Variants in SEMA3G observed in about 807,000 individuals in gnomAD.
SEMA3G encodes semaphorin 3G, also known as semaphorin-3G.
Under a neutral mutation model 86.2 loss-of-function variants are expected in SEMA3G, and 70 were observed. The ratio of observed to expected loss-of-function variants is 0.81; its 90% CI spans 0.67 to 0.99. The LOEUF (loss-of-function observed/expected upper bound fraction) is 0.99. Among genes scored for constraint, SEMA3G ranks in the 50% least tolerant of loss-of-function variants. The pLI is 0.00. For synonymous variants in SEMA3G, 416 were observed against 441.4 expected (o/e 0.94, Z 0.72); for missense variants, 1,002 against 1,072.4 (o/e 0.93, Z 0.92).
At position 52,435,760 on chromosome 3, in the gene SEMA3G, C is replaced by A; in HGVS notation, c.2192G>T (p.Cys731Phe). 1 of 1,614,118 alleles carries A rather than the reference C, an allele frequency of 6.2e-7. No individual in the cohort carries two copies. The highest frequency in any genetic ancestry group is 8.5e-7 in the Non-Finnish European group (1 of 1,180,038). ...RVDEYCERVWCRGTTECSGCF... is the reference protein window; with the variant it reads ...RVDEYCERVWFRGTTECSGCF... ...GCCTGAGCATTCCGTGGTGCCCCTGCACCACACGCGCTCACAGTACTCATC... is the reference window on the plus strand; with the variant it reads ...GCCTGAGCATTCCGTGGTGCCCCTGAACCACACGCGCTCACAGTACTCATC... Residue 731 changes from cysteine (C) to phenylalanine (F), a missense_variant, in exon 16 of 16, where the codon TGC (cysteine) becomes TTC (phenylalanine). Physicochemically the swap from Cys to Phe is radical, Grantham distance 205 (BLOSUM62 -2). Coordinates refer to ENST00000231721, the MANE Select transcript of SEMA3G (RefSeq NM_020163.3).
rs1333126939 is a variant in SEMA3G, at chr3:52,433,715, G to A, written c.*1888C>T. On this transcript the variant is annotated 3_prime_UTR_variant, in exon 16 of 16. Coordinates refer to ENST00000231721, the MANE Select transcript of SEMA3G (RefSeq NM_020163.3). ...AGCGTAAAGGCCCGGAGGGCTGTTT[G>A]TGTCTTTCTGGCCTCCCTAGGGTAG... 6.6e-6 allele frequency: 1 copy of A among 152,662 alleles called. No homozygotes were observed. Among genetic ancestry groups the A allele is most frequent in the Non-Finnish European group, 1.5e-5 (1 of 68,056 alleles). The allele number at this position is 152,662 out of a possible 1,614,324, so 9.5% of individuals were successfully genotyped here.
In SEMA3G at chr3:52,442,049, G is replaced by A; in HGVS notation, c.459+136C>T. 7.3e-7 allele frequency: 1 copy of A among 1,369,040 alleles called. No homozygotes were observed. The highest frequency in any genetic ancestry group is 9.9e-7 in the Non-Finnish European group (1 of 1,009,634). The allele number at this position is 1,369,040 out of a possible 1,614,324, so 84.8% of individuals were successfully genotyped here. On this transcript the variant is annotated intron_variant, in intron 4 of 15. Transcript: ENST00000231721. This position sits in a 1 kb window ranked among gnomAD's most constrained non-coding sequence, Gnocchi z 6.1. ...TCCTCATCCAGGGCCCCTCTAATGG[G>A]GTCAGCTCCCCAACACAAAGGCGCC...
At chr3:52,436,095 G>A (rs747862589) in intron 15 of SEMA3G, 22 bp from the exon 16 acceptor site, 17 of 1,587,282 alleles carry the variant, frequency 1.1e-5, no homozygotes, top group Admixed American at 5.1e-5. Flanking sequence ...GCGGGAGGGC[G>A]TGAGTAGGGT....
At position 52,440,972 on chromosome 3, in the gene SEMA3G, G is replaced by C. The variant is rs750841007; in HGVS notation, c.890C>G (p.Pro297Arg). The C allele has an allele frequency of 2.5e-6, 4 of 1,607,334 alleles. No homozygotes were observed. Among genetic ancestry groups the C allele is most frequent in the Non-Finnish European group, 3.4e-6 (4 of 1,179,350 alleles). The change falls in exon 8 of 16, where the codon CCC becomes CGC. Residue 297 changes from proline (P) to arginine (R), a missense_variant. Transcript: ENST00000231721. ...GTGGGTCTCGGCACCACCAGGGCCG[G>C]GCACCGAGCAGACCAGCCTGGCCTT... is the stretch of plus-strand genomic sequence containing the variant. ...FLKARLVCSV[P>R]GPGGAETHFD... is the part of the protein sequence containing the mutation.
chr3:52,444,685 ACTCGG>A, intron 1 of SEMA3G, among the ~76,000 whole-genome samples: 1 of 136,878 alleles, frequency 7.3e-6, no homozygotes, highest in East Asian at 2.2e-4. Flanking sequence ...GCACACGCAA[ACTCGG>A]CACACGCACA....
In SEMA3G at chr3:52,438,836, G is replaced by A. The variant is rs138947564; in HGVS notation, c.1509+84C>T. The A allele has an allele frequency of 5.6e-3, 8,908 of 1,581,204 alleles. 72 individuals are homozygous for A. The highest frequency in any genetic ancestry group is 0.023 in the South Asian group (2,000 of 86,234). On this transcript the variant is annotated intron_variant, in intron 13 of 15. Transcript: ENST00000231721. The stretch of plus-strand genomic sequence containing the variant: ...TCCCCAGACTACAGTGGAGCTCGAG[G>A]AGGCTGCGGAGCAGGGGCAGAGGAG...
At chr3:52,438,568 A>T (rs1051520491) in intron 13 of SEMA3G, 14 of 985,502 alleles carry the variant, frequency 1.4e-5, no homozygotes, top group Non-Finnish European at 1.6e-5. Flanking sequence ...ACACAAAGAT[A>T]CACTGGAGCA....
Position 52,438,051 on chromosome 3 carries a change from C to T in SEMA3G, c.1658G>A (p.Ser553Asn). ...CCGGCGGAACCGGCGCTTGCCAAGG[C>T]TGGGGCGGTAGTGGGTACAGGAGGC... ...DGASCTHYRP[S>N]LGKRRFRRQD... Residue 553 changes from serine to asparagine, a missense_variant, in exon 14 of 16, where the codon AGC becomes AAC. Ser to Asn is a conservative substitution (Grantham distance 46, BLOSUM62 1). Coordinates refer to ENST00000231721, the MANE Select transcript of SEMA3G (RefSeq NM_020163.3). The T allele has an allele frequency of 6.2e-7, 1 of 1,613,224 alleles. No homozygotes were observed. Among genetic ancestry groups the T allele is most frequent in the Non-Finnish European group, 8.5e-7 (1 of 1,180,010 alleles).
rs921053097 is a variant in SEMA3G, at chr3:52,442,015, C to T, written c.460-106G>A. On this transcript the variant is annotated intron_variant, in intron 4 of 15. Coordinates refer to ENST00000231721, the MANE Select transcript of SEMA3G (RefSeq NM_020163.3). The surrounding 1 kb of genome is among the most constrained non-coding windows in gnomAD (Gnocchi z 6.1). ...CGTGCGGCCAGAGAGCGGGGGTGGG[C>T]GGAAGGCGTCCTCATCCAGGGCCCC... The T allele has an allele frequency of 3.3e-5, 43 of 1,306,228 alleles. No individual in the cohort carries two copies. Among genetic ancestry groups the T allele is most frequent in the African/African-American group, 5.9e-5 (4 of 68,332 alleles). The allele number at this position is 1,306,228 out of a possible 1,614,324, so 80.9% of individuals were successfully genotyped here.
Position 52,442,273 on chromosome 3 carries a change from T to C in SEMA3G, c.371A>G (p.Gln124Arg). The C allele has an allele frequency of 6.2e-7, 1 of 1,613,724 alleles. No individual in the cohort carries two copies. Among genetic ancestry groups the C allele is most frequent in the Non-Finnish European group, 8.5e-7 (1 of 1,179,910 alleles). ...TAGCAGGTGGGTCCGGTTGTGAGGC[T>C]GTAGCACCCGCACGAAGTTGGCGCA... Reference protein sequence around the residue: ...TECANFVRVLQPHNRTHLLAC... With the variant: ...TECANFVRVLRPHNRTHLLAC... Residue 124 changes from glutamine (Q) to arginine (R), a missense_variant, in exon 4 of 16, where the codon CAG becomes CGG. Transcript: ENST00000231721. This position sits in a 1 kb window ranked among gnomAD's most constrained non-coding sequence, Gnocchi z 6.1.
rs1706176473 is a variant in SEMA3G at position 52,442,403 on chromosome 3, A to AG, written c.340-100dup. ...CCCTGTCTGGCGGTCAGCTCTGGGG[A>AG]GGGGGGTGGGTGTGACATTCCCAGC... On this transcript the variant is annotated intron_variant, in intron 3 of 15. Transcript: ENST00000231721. This position sits in a 1 kb window ranked among gnomAD's most constrained non-coding sequence, Gnocchi z 6.1. 4.4e-6 allele frequency: 2 copies of AG among 456,166 alleles called. No homozygotes were observed. Among genetic ancestry groups the AG allele is most frequent in the Admixed American group, 2.5e-5 (1 of 40,194 alleles). The allele number at this position is 456,166 out of a possible 1,614,324, so 28.3% of individuals were successfully genotyped here. A position where few individuals can be genotyped will look rare whatever the true frequency, so the allele number is the denominator to read the frequency against.
chr3:52,443,086 C>G lies in SEMA3G; in HGVS notation c.116-179G>C, dbSNP rs1327856207. ...CCATGGCTCCTGGGGACAGGTGGGA[C>G]GGGAGGCTCAGAGCCTCCCACCTGG... On this transcript the variant is annotated intron_variant, in intron 1 of 15. Coordinates refer to ENST00000231721, the MANE Select transcript of SEMA3G (RefSeq NM_020163.3). 1.0e-5 allele frequency: 16 copies of G among 1,526,384 alleles called. No individual in the cohort carries two copies. In the South Asian group the frequency reaches 1.6e-4, roughly 15 times the overall value. The allele number at this position is 1,526,384 out of a possible 1,614,324, so 94.6% of individuals were successfully genotyped here. A position where few individuals can be genotyped will look rare whatever the true frequency, so the allele number is the denominator to read the frequency against.
At chr3:52,444,694 A>G in intron 1 of SEMA3G, among the ~76,000 whole-genome samples, 1 of 128,562 alleles carries the variant, frequency 7.8e-6, no homozygotes, top group South Asian at 2.9e-4. Context: ...AACTCGGCAC[A>G]CGCACACAAA....
Position 52,440,792 on chromosome 3 carries a change from C to T in SEMA3G, c.960G>A (p.Gly320=), listed in dbSNP as rs1706137981. 1 of 1,613,040 alleles carries T rather than the reference C, an allele frequency of 6.2e-7. No homozygotes were observed. The highest frequency in any genetic ancestry group is 8.5e-7 in the Non-Finnish European group (1 of 1,180,006). The change falls in exon 9 of 16, where the codon GGG becomes GGA. Residue 320 remains glycine, a synonymous_variant. Coordinates refer to ENST00000231721, the MANE Select transcript of SEMA3G (RefSeq NM_020163.3). ...ACAGCGCGTACACCTCGAGGCTCTT[C>T]CCGGCCTTGGGCCACAGCAGGAACA... The part of the protein sequence containing the change: ...EDVFLLWPKA[G]KSLEVYALFS...
In SEMA3G at chr3:52,439,987, G is replaced by T. The variant is rs371384123; in HGVS notation, c.1255C>A (p.Arg419=). ...AGGACAGGGCGGCCATGTCGAGGCC[G>T]CACAGGCCAGAACATGAGGGGGTGG... ...RAHPLMFWPV[R]PRHGRPVLVK... is the part of the protein sequence containing the mutation. Residue 419 remains arginine (R), a synonymous_variant, in exon 11 of 16, where the codon CGG becomes AGG. Transcript: ENST00000231721. 1 of 1,613,496 alleles carries T rather than the reference G, an allele frequency of 6.2e-7. No individual in the cohort carries two copies. The highest frequency in any genetic ancestry group is 1.3e-5 in the African/African-American group (1 of 74,940).
In SEMA3G at chr3:52,442,006, G is replaced by A. The variant is rs140885132; in HGVS notation, c.460-97C>T. On this transcript the variant is annotated intron_variant, in intron 4 of 15. Coordinates refer to ENST00000231721, the MANE Select transcript of SEMA3G (RefSeq NM_020163.3). The surrounding 1 kb of genome is among the most constrained non-coding windows in gnomAD (Gnocchi z 6.1). ...GAGCCCTCGCGTGCGGCCAGAGAGCGGGGGTGGGCGGAAGGCGTCCTCATC... is the reference window on the plus strand; with the variant it reads ...GAGCCCTCGCGTGCGGCCAGAGAGCAGGGGTGGGCGGAAGGCGTCCTCATC... The A allele has an allele frequency of 1.1e-4, 142 of 1,312,966 alleles. No homozygotes were observed. In the African/African-American group the frequency reaches 1.3e-3, roughly 12 times the overall value. The allele number at this position is 1,312,966 out of a possible 1,614,324, so 81.3% of individuals were successfully genotyped here.
In SEMA3G at chr3:52,439,771, T is replaced by G. The variant is rs765711028; in HGVS notation, c.1376A>C (p.Asp459Ala). The G allele has an allele frequency of 6.2e-7, 1 of 1,613,716 alleles. No individual in the cohort carries two copies. Among genetic ancestry groups the G allele is most frequent in the Non-Finnish European group, 8.5e-7 (1 of 1,179,908 alleles). ...GATGACTTTGAGCACAGACCCTGAG[T>G]CTGGGGCCAGGGAGGAGGGGTCAGC... Reference protein sequence around the residue: ...GTYDVIFLGTDSGSVLKVIAL... With the variant: ...GTYDVIFLGTASGSVLKVIAL... The change falls in exon 12 of 16, where the codon GAC becomes GCC. Residue 459 changes from aspartate (D) to alanine (A), a missense_variant and splice_region_variant. Transcript: ENST00000231721.
chr3:52,436,151 C>G, intron 15 of SEMA3G, 78 bp from the exon 16 acceptor site: 1 of 1,488,564 alleles, frequency 6.7e-7, no homozygotes, highest in Middle Eastern at 2.1e-4. Context: ...AGCTTTTCTG[C>G]CATCCTTGGG....
intron 1 of SEMA3G, among the ~76,000 whole-genome samples, chr3:52,443,505 C>T (rs1042673544): frequency 5.3e-5 from 8 of 152,076 alleles, no homozygotes; most frequent in Non-Finnish European, 7.4e-5. Flanking sequence ...GACATCGGTC[C>T]CAGGAGTTGA....
Sources: allele counts gnomAD v4.1 joint callset (sites outside exome capture counted in the v4.1 genomes callset), GRCh38; gene constraint gnomAD v4.1.1; non-coding constraint Gnocchi (gnomAD v3.1); transcripts MANE v1.5; gene names NCBI Gene and HGNC (gene_info 2026-07-23, HGNC 2026-07-21).